The following MYO5A variants were observed in gnomAD, a reference collection of about 807,000 sequenced individuals.
The protein encoded by MYO5A is myosin VA, also known as unconventional myosin-Va.
MYO5A carries 98 observed loss-of-function variants against 249.7 expected under a neutral mutation model. The ratio of observed to expected loss-of-function variants is 0.39; its 90% CI spans 0.33 to 0.46. MYO5A has a LOEUF of 0.46. Among genes scored for constraint, MYO5A ranks in the 20% least tolerant of loss-of-function variants. MYO5A has a pLI of 0.98. For missense variants in MYO5A, 1,696 were observed against 2,308.8 expected (o/e 0.73, Z 5.44); for synonymous variants, 778 against 810.6 (o/e 0.96, Z 0.68).
At chr15:52,413,789 T>TC (rs1190443902) in intron 5 of MYO5A, among the ~76,000 whole-genome samples, 1 of 152,202 alleles carries the variant, frequency 6.6e-6, no homozygotes, top group African/African-American at 2.4e-5. Flanking sequence ...TTTTTCTTAA[T>TC]CCAAATTCTT....
At chr15:52,349,500 T>C (rs1451713159) in intron 28 of MYO5A, among the ~76,000 whole-genome samples, 8 of 152,054 alleles carry the variant, frequency 5.3e-5, no homozygotes, top group Admixed American at 5.2e-4. Context: ...CCCATTAGGG[T>C]CAGGAGAGCA....
At chr15:52,419,108 C>G (rs1246906548) in intron 4 of MYO5A, among the ~76,000 whole-genome samples, 1 of 152,200 alleles carries the variant, frequency 6.6e-6, no homozygotes, top group African/African-American at 2.4e-5. Flanking sequence ...ATATCCCCAT[C>G]TATGTTGATG....
chr15:52,405,693 A>G (rs1001047516), intron 8 of MYO5A, among the ~76,000 whole-genome samples: 42 of 152,156 alleles, frequency 2.8e-4, no homozygotes, highest in African/African-American at 1.0e-3. Context: ...CCATTTTCTC[A>G]TTTGAGATAT....
chr15:52,317,795 G>C (rs2038096880), intron 39 of MYO5A, among the ~76,000 whole-genome samples: 1 of 152,234 alleles, frequency 6.6e-6, no homozygotes, highest in African/African-American at 2.4e-5. Context: ...AAGAGACAAA[G>C]ACTCCAAATG....
In MYO5A at chr15:52,379,916, T is replaced by G. The variant is rs754176712; in HGVS notation, c.2013-8A>C. On this transcript the variant is annotated splice_region_variant and splice_polypyrimidine_tract_variant and intron_variant, in intron 16 of 41. Coordinates refer to ENST00000399233, the MANE Select transcript of MYO5A (RefSeq NM_001382347.1). The stretch of plus-strand genomic sequence containing the variant: ...GCCCTCTTCTCATCAAACCTACAAA[T>G]AAAAATCAAAGCTGTTAGTCCACAA... 1 of 1,613,714 alleles carries G rather than the reference T, an allele frequency of 6.2e-7. No homozygotes were observed. Among genetic ancestry groups the G allele is most frequent in the Non-Finnish European group, 8.5e-7 (1 of 1,179,878 alleles).
At chr15:52,335,930 A>G (rs1279356218) in intron 34 of MYO5A, among the ~76,000 whole-genome samples, 1 of 152,128 alleles carries the variant, frequency 6.6e-6, no homozygotes, top group Admixed American at 6.5e-5. Context: ...TAAGTGTAAT[A>G]TACTTATTAG....
At chr15:52,447,255 C>A (rs931182362) in intron 1 of MYO5A, among the ~76,000 whole-genome samples, 1 of 152,008 alleles carries the variant, frequency 6.6e-6, no homozygotes, top group African/African-American at 2.4e-5. Context: ...CTCGCAAGAT[C>A]GTTATCACTC....
In MYO5A at chr15:52,387,178, T is replaced by C. The variant is rs1384960116; in HGVS notation, c.1752+651A>G. Among the ~76,000 whole-genome samples the C allele has an allele frequency of 4.6e-5, 7 of 152,318 alleles. No individual in the cohort carries two copies. In the South Asian group the frequency reaches 1.2e-3, roughly 27 times the overall value. ...CTCCCCATTCTTTCCAGATGGAAGG[T>C]CAAGGGATGGAGGGGATCAACCTAA... On this transcript the variant is annotated intron_variant, in intron 14 of 41. Transcript: ENST00000399233.
intron 11 of MYO5A, among the ~76,000 whole-genome samples, chr15:52,394,454 A>G (rs1236176671): frequency 6.6e-6 from 1 of 152,250 alleles, no homozygotes; most frequent in Admixed American, 6.5e-5. Context: ...CTGGGTTCAC[A>G]GGAAGTTTAA....
At chr15:52,451,845 G>A (rs530212305) in intron 1 of MYO5A, among the ~76,000 whole-genome samples, 6 of 152,216 alleles carry the variant, frequency 3.9e-5, no homozygotes, top group South Asian at 2.1e-4. Flanking sequence ...CCACTGTTAC[G>A]TTTTCTCAGA....
chr15:52,410,319 T>C lies in MYO5A; in HGVS notation c.756+14A>G, dbSNP rs778705833. The C allele has an allele frequency of 3.7e-6, 6 of 1,611,624 alleles. No individual in the cohort carries two copies. The South Asian group carries it at 6.6e-5, about 18-fold the overall frequency. On this transcript the variant is annotated intron_variant, in intron 6 of 41. Transcript: ENST00000399233. ...AATCTAACACAAGTGCATATGTGTA[T>C]ATGGCCAGCTTACCTGGAATACCAC...
At chr15:52,347,819 G>A (rs1170636048) in intron 29 of MYO5A, among the ~76,000 whole-genome samples, 2 of 151,666 alleles carry the variant, frequency 1.3e-5, no homozygotes, top group Non-Finnish European at 2.9e-5. Context: ...GCTATGTTTT[G>A]TAAATATTTT....
chr15:52,524,054 G>A (rs1396246471), intron 1 of MYO5A, among the ~76,000 whole-genome samples: 2 of 152,194 alleles, frequency 1.3e-5, no homozygotes, highest in Non-Finnish European at 2.9e-5. Flanking sequence ...TGTTGGGAAT[G>A]GAAAGTTACA....
chr15:52,429,562 A>G (rs1208738180), intron 2 of MYO5A, among the ~76,000 whole-genome samples: 1 of 152,022 alleles, frequency 6.6e-6, no homozygotes, highest in Non-Finnish European at 1.5e-5. Flanking sequence ...GGTGGTGGGC[A>G]CCTGTAATTC....
intron 1 of MYO5A, chr15:52,505,944 T>G: frequency 1.6e-6 from 2 of 1,258,038 alleles, no homozygotes. Context: ...CTGGGCGCAG[T>G]GGCTCATACC....
rs1381375076 is a variant in MYO5A, at chr15:52,330,437, T to C, written c.4471A>G (p.Ile1491Val). 1 of 1,614,152 alleles carries C rather than the reference T, an allele frequency of 6.2e-7. No individual in the cohort carries two copies. The highest frequency in any genetic ancestry group is 1.1e-5 in the South Asian group (1 of 91,084). ...TGGAAATCCTTTTCTTTCCTGGGAATGTTGACTGGTCGGATGGGTTCATCA... is the reference window on the plus strand; with the variant it reads ...TGGAAATCCTTTTCTTTCCTGGGAACGTTGACTGGTCGGATGGGTTCATCA... Reference protein sequence around the residue: ...IIDEPIRPVNIPRKEKDFQGM... With the variant: ...IIDEPIRPVNVPRKEKDFQGM... The change falls in exon 35 of 42, where the codon ATT (isoleucine) becomes GTT (valine). Residue 1491 changes from isoleucine (I) to valine (V), a missense_variant. Physicochemically the swap from Ile to Val is conservative, Grantham distance 29. Transcript: ENST00000399233.
chr15:52,430,984 C>T (rs1199132059), intron 2 of MYO5A, among the ~76,000 whole-genome samples: 3 of 151,782 alleles, frequency 2.0e-5, no homozygotes, highest in East Asian at 1.9e-4. Flanking sequence ...GTAATCCCAG[C>T]ACTTTGGGAG....
Position 52,323,412 on chromosome 15 carries a change from G to T in MYO5A, c.4743C>A (p.Phe1581Leu). 3 of 1,613,714 alleles carry T rather than the reference G, an allele frequency of 1.9e-6. No homozygotes were observed. Among genetic ancestry groups the T allele is most frequent in the Non-Finnish European group, 2.5e-6 (3 of 1,179,714 alleles). The change falls in exon 37 of 42, where the codon TTC (phenylalanine) becomes TTA (leucine). Residue 1581 changes from phenylalanine to leucine, a missense_variant. By Grantham distance (22) the Phe-to-Leu change is conservative (BLOSUM62 0). Around this residue, in one of 5 missense-constraint regions of MYO5A, gnomAD observed 625 missense variants for 908.1 expected, o/e 0.69. Transcript: ENST00000399233. ...AAAATCGGCATGTGTTAGAGAGCCAGAAGGAGACGGTTTCAAAATCATCAC... is the reference window on the plus strand; with the variant it reads ...AAAATCGGCATGTGTTAGAGAGCCATAAGGAGACGGTTTCAAAATCATCAC... ...KRGDDFETVS[F>L]WLSNTCRFLH...
rs2041162017 is a variant in MYO5A, at chr15:52,372,221, T to C, written c.2720A>G (p.Lys907Arg). The C allele has an allele frequency of 1.2e-6, 2 of 1,613,462 alleles. No homozygotes were observed. The highest frequency in any genetic ancestry group is 1.3e-5 in the African/African-American group (1 of 74,922). The change falls in exon 21 of 42, where the codon AAG becomes AGG. Residue 907 changes from lysine (K) to arginine (R), a missense_variant. Physicochemically the swap from Lys to Arg is conservative, Grantham distance 26. This residue lies in a region of MYO5A where 412 missense variants were observed against 453.3 expected (regional missense o/e 0.91). Coordinates refer to ENST00000399233, the MANE Select transcript of MYO5A (RefSeq NM_001382347.1). ...CACTGAGCGAGCCTCGATTTTGAGC[T>C]TCTTTAGCTCACGCTTGGCCATCAT... ...RRMMAKRELK[K>R]LKIEARSVER... is the part of the protein sequence containing the mutation.
Sources: allele counts gnomAD v4.1 joint callset (sites outside exome capture counted in the v4.1 genomes callset), GRCh38; gene constraint gnomAD v4.1.1; regional missense constraint gnomAD v4.1.1; transcripts MANE v1.5; gene names NCBI Gene and HGNC (gene_info 2026-07-23, HGNC 2026-07-21).